The following TTC34 variants were observed in gnomAD, a reference collection of about 807,000 sequenced individuals.
The protein encoded by TTC34 is tetratricopeptide repeat protein 34.
In TTC34, 44 loss-of-function variants were observed where a neutral mutation model predicts 40.7. The ratio of observed to expected loss-of-function variants is 1.08; its 90% CI spans 0.85 to 1.39. TTC34 has a LOEUF of 1.39. TTC34 is among the 40% of genes most tolerant of loss of function. The probability of loss-of-function intolerance (pLI) is 0.00; values close to 1 mark genes in which losing one functional copy is unlikely to be tolerated. For missense variants in TTC34, 884 were observed against 838.0 expected, an observed-to-expected ratio of 1.05 and a Z score of -0.68; for synonymous variants, 422 against 398.6, an observed-to-expected ratio of 1.06 and a Z score of -0.70.
intron 6 of TTC34, among the ~76,000 whole-genome samples, chr1:2,688,161 C>A (rs984413273): frequency 2.0e-5 from 3 of 151,098 alleles, no homozygotes; most frequent in South Asian, 2.1e-4. Context: ...TGGAAGGGCA[C>A]CCACACCCCC....
chr1:2,653,338 G>C (rs547572250), intron 6 of TTC34, among the ~76,000 whole-genome samples: 7 of 149,862 alleles, frequency 4.7e-5, no homozygotes, highest in Non-Finnish European at 9.1e-5. Context: ...CCCCAGGTGA[G>C]CATCTGACAG....
chr1:2,686,129 G>A (rs534850122), intron 6 of TTC34, among the ~76,000 whole-genome samples: 2 of 132,278 alleles, frequency 1.5e-5, no homozygotes, highest in South Asian at 4.6e-4. Context: ...ACCCGCAGGT[G>A]AGCATCTGAT....
chr1:2,683,374 T>C (rs7415296), intron 6 of TTC34, among the ~76,000 whole-genome samples: 117,658 of 128,102 alleles, frequency 0.92, 53,833 homozygotes, highest in East Asian at 0.99. Flanking sequence ...ATCTGATGGC[T>C]TGGAACAGCA....
chr1:2,642,831 G>A (rs1638934869), intron 8 of TTC34, among the ~76,000 whole-genome samples: 1 of 152,216 alleles, frequency 6.6e-6, no homozygotes, highest in African/African-American at 2.4e-5. Flanking sequence ...TCCGTGCAGG[G>A]AGCGAGGGGG....
At chr1:2,787,485 T>G (rs1480508699) in exon 4 of TTC34, 3 of 1,483,244 alleles carry the variant, frequency 2.0e-6, no homozygotes, top group Non-Finnish European at 2.7e-6. Context: ...CCTCACCTGG[T>G]TGGCGTCATA....
intron 6 of TTC34, among the ~76,000 whole-genome samples, chr1:2,691,717 T>C (rs999107576): frequency 1.1e-5 from 1 of 94,536 alleles, no homozygotes. Context: ...CAGGTGAGCA[T>C]TGGACAGCCT....
intron 6 of TTC34, among the ~76,000 whole-genome samples, chr1:2,688,404 C>A (rs1257810965): frequency 6.6e-6 from 1 of 151,946 alleles, no homozygotes; most frequent in East Asian, 1.9e-4. Flanking sequence ...GGAACAGCAC[C>A]CACACCCCCA....
chr1:2,784,797 T>G lies in TTC34; in HGVS notation c.2059+1022A>C, dbSNP rs1439020183. Among the ~76,000 whole-genome samples the G allele has an allele frequency of 2.0e-5, 3 of 152,258 alleles. No homozygotes were observed. In the South Asian group the frequency reaches 6.2e-4, roughly 31 times the overall value. ...CTATATCTAATTTGTATCATGACTA[T>G]TCTTATTCTATTTTCTTTATTATAC... On this transcript the variant is annotated intron_variant, in intron 5 of 8. Coordinates refer to ENST00000401095, the Ensembl canonical transcript of TTC34.
chr1:2,797,414 C>T (rs190953798), intron 2 of TTC34, among the ~76,000 whole-genome samples: 27 of 152,300 alleles, frequency 1.8e-4, no homozygotes, highest in Non-Finnish European at 3.4e-4. Flanking sequence ...CTTCCTGCCT[C>T]TGTCGGGAGC....
In TTC34 at chr1:2,686,564, C is replaced by T. The variant is rs573443570; in HGVS notation, c.2227-41001G>A. Among the ~76,000 whole-genome samples the T allele has an allele frequency of 8.1e-5, 10 of 122,922 alleles. 1 individual carries two copies. The highest frequency in any genetic ancestry group is 3.1e-4 in the African/African-American group (10 of 32,674). The allele number at this position is 122,922 out of a possible 152,430, so 80.6% of individuals were successfully genotyped here. On this transcript the variant is annotated intron_variant, in intron 6 of 8. Transcript: ENST00000401095. ...ACAGCCTGGAACAGCACGCACACAC[C>T]CAGGTGAGCATCTGACCGCCTGGAA...
intron 6 of TTC34, among the ~76,000 whole-genome samples, chr1:2,751,480 C>A (rs1641317474): frequency 9.1e-6 from 1 of 110,380 alleles, no homozygotes; most frequent in African/African-American, 4.1e-5. Flanking sequence ...TGGAACTGCA[C>A]CCCCATGCCC....
At chr1:2,685,030 A>AC (rs1640261925) in intron 6 of TTC34, among the ~76,000 whole-genome samples, 2 of 142,402 alleles carry the variant, frequency 1.4e-5, no homozygotes, top group East Asian at 2.0e-4. Flanking sequence ...ATGTAACAGC[A>AC]CCCACACCCA....
chr1:2,640,700 G>A (rs1638882952), exon 9 of TTC34: 1 of 152,092 alleles, frequency 6.6e-6, no homozygotes, highest in African/African-American at 2.4e-5. Flanking sequence ...GCAAAACGCA[G>A]CTTCACACCC....
In TTC34 at chr1:2,752,215, G is replaced by A. The variant is rs1475732976; in HGVS notation, c.2226+31394C>T. Among the ~76,000 whole-genome samples the A allele has an allele frequency of 2.3e-4, 26 of 114,036 alleles. 1 individual carries two copies. Among genetic ancestry groups the A allele is most frequent in the East Asian group, 9.5e-4 (3 of 3,168 alleles). 74.8% of individuals were successfully genotyped at this position (114,036 alleles called of 152,430 possible). On this transcript the variant is annotated intron_variant, in intron 6 of 8. Transcript: ENST00000401095. ...GCCTGGAACAGAACCCACACCCCCA[G>A]GTGAGCATCTGACAGACTGGAACAG...
At position 2,752,410 on chromosome 1, in the gene TTC34, C is replaced by T. The variant is rs1441742213; in HGVS notation, c.2226+31199G>A. ...CTGAGAGCATGTAACAGCACCCACA[C>T]ACCCAGGTGAGCATCTGACAGCCTG... On this transcript the variant is annotated intron_variant, in intron 6 of 8. Transcript: ENST00000401095. Among the ~76,000 whole-genome samples, 188 of 37,978 alleles carry T rather than the reference C, an allele frequency of 5.0e-3. 22 individuals carry two copies. The highest frequency in any genetic ancestry group is 0.014 in the Middle Eastern group (1 of 74). The allele number at this position is 37,978 out of a possible 152,430, so 24.9% of individuals were successfully genotyped here. A position where few individuals can be genotyped will look rare whatever the true frequency, so the allele number is the denominator to read the frequency against.
intron 2 of TTC34, among the ~76,000 whole-genome samples, chr1:2,799,094 A>C (rs1269382215): frequency 3.3e-3 from 121 of 36,600 alleles, no homozygotes; most frequent in Admixed American, 4.0e-3. Flanking sequence ...AGCCTCCCAG[A>C]CTTCCAGCCT....
intron 6 of TTC34, among the ~76,000 whole-genome samples, chr1:2,652,340 C>T (rs532838980): frequency 1.7e-4 from 26 of 151,458 alleles, no homozygotes; most frequent in African/African-American, 5.8e-4. Context: ...AGGTGAGCAT[C>T]TGATATCCTG....
At chr1:2,701,860 C>A (rs1177917545) in intron 6 of TTC34, among the ~76,000 whole-genome samples, 1 of 75,432 alleles carries the variant, frequency 1.3e-5, no homozygotes, top group Non-Finnish European at 3.0e-5. Context: ...ACAGCACCCT[C>A]CACCTTCAGG....
At chr1:2,792,209 G>A (rs1449149452) in intron 2 of TTC34, among the ~76,000 whole-genome samples, 2 of 151,306 alleles carry the variant, frequency 1.3e-5, no homozygotes, top group Admixed American at 6.6e-5. Flanking sequence ...TTGTCACCCA[G>A]GGTGGTCTTG....
Sources: allele counts gnomAD v4.1 joint callset (sites outside exome capture counted in the v4.1 genomes callset), GRCh38; gene constraint gnomAD v4.1.1; transcripts MANE v1.5; gene names NCBI Gene and HGNC (gene_info 2026-07-23, HGNC 2026-07-21).